The following NPAS3 variants were observed in gnomAD, a reference collection of about 807,000 sequenced individuals.
The protein encoded by NPAS3 is neuronal PAS domain protein 3, also known as neuronal PAS domain-containing protein 3.
A neutral mutation model predicts 73.1 loss-of-function variants in NPAS3; 14 were observed. The observed-to-expected ratio is 0.19, with a 90% confidence interval of 0.13 to 0.30. NPAS3 has a LOEUF of 0.30. Ranked by LOEUF, NPAS3 falls within the 10% of genes least tolerant of loss-of-function variation. The pLI is 1.00. For synonymous variants in NPAS3, 620 were observed against 541.5 expected (o/e 1.14, Z -2.01); for missense variants, 1,096 against 1,250.0 (o/e 0.88, Z 1.86).
At chr14:32,968,485 CTT>C (rs993801020) in intron 1 of NPAS3, among the ~76,000 whole-genome samples, 5 of 152,056 alleles carry the variant, frequency 3.3e-5, no homozygotes, top group African/African-American at 9.7e-5. Context: ...AGGTTGGTGT[CTT>C]ATGTCGAAAT....
chr14:33,207,942 A>C (rs889906522), intron 2 of NPAS3, among the ~76,000 whole-genome samples: 2 of 151,306 alleles, frequency 1.3e-5, no homozygotes, highest in African/African-American at 2.4e-5. Flanking sequence ...GATAATTTGC[A>C]GGAGTTTCAA....
chr14:33,784,729 A>ATTTTTTTTTTTTTTTTTTTT (rs1342325354), intron 9 of NPAS3, among the ~76,000 whole-genome samples: 2 of 90,206 alleles, frequency 2.2e-5, no homozygotes, highest in Non-Finnish European at 4.0e-5. Flanking sequence ...ATTTTTATTT[A>ATTTTTTTTTTTTTTTTTTTT]TTTATTTATT....
intron 2 of NPAS3, among the ~76,000 whole-genome samples, chr14:33,150,533 G>A: frequency 6.6e-6 from 1 of 152,162 alleles, no homozygotes; most frequent in East Asian, 1.9e-4. Flanking sequence ...GCTCCAAATA[G>A]TTTCCTTTGC....
chr14:33,146,493 TTTA>T (rs2044241609), intron 2 of NPAS3, among the ~76,000 whole-genome samples: 1 of 152,214 alleles, frequency 6.6e-6, no homozygotes, highest in African/African-American at 2.4e-5. Context: ...TCAGTATTCA[TTTA>T]TTGAGTCCTG....
At chr14:33,101,080 G>A (rs1454531687) in intron 2 of NPAS3, among the ~76,000 whole-genome samples, 1 of 151,932 alleles carries the variant, frequency 6.6e-6, no homozygotes, top group Non-Finnish European at 1.5e-5. Flanking sequence ...CTAGTTCTTT[G>A]TGAAATAGGT....
chr14:33,673,670 G>T (rs950644635), intron 5 of NPAS3, among the ~76,000 whole-genome samples: 3 of 152,190 alleles, frequency 2.0e-5, no homozygotes, highest in Admixed American at 6.5e-5. Flanking sequence ...CTTCTTCCCA[G>T]CTCTCCGGGC....
intron 1 of NPAS3, among the ~76,000 whole-genome samples, chr14:33,012,759 A>C (rs2039255596): frequency 6.6e-6 from 1 of 152,156 alleles, no homozygotes; most frequent in Non-Finnish European, 1.5e-5. Flanking sequence ...TGTGTTCCCC[A>C]GGCTGGTCTC....
intron 2 of NPAS3, among the ~76,000 whole-genome samples, chr14:33,096,646 A>T (rs1483732039): frequency 6.6e-6 from 1 of 152,170 alleles, no homozygotes; most frequent in East Asian, 1.9e-4. Flanking sequence ...TGTTTCTATG[A>T]TTAAATTATT....
At chr14:33,447,010 A>G (rs1026377482) in intron 4 of NPAS3, among the ~76,000 whole-genome samples, 1 of 152,356 alleles carries the variant, frequency 6.6e-6, no homozygotes, top group Admixed American at 6.5e-5. Context: ...ACGAGATGCT[A>G]TTCTGAATGG....
intron 2 of NPAS3, among the ~76,000 whole-genome samples, chr14:33,107,242 C>A (rs748726421): frequency 6.6e-6 from 1 of 151,696 alleles, no homozygotes; most frequent in East Asian, 1.9e-4. Flanking sequence ...AATATATTTT[C>A]TTTTTTCCCC....
chr14:33,691,879 T>C (rs1355969339), intron 6 of NPAS3, among the ~76,000 whole-genome samples: 1 of 152,202 alleles, frequency 6.6e-6, no homozygotes, highest in East Asian at 1.9e-4. Flanking sequence ...ACATTGAGAA[T>C]AAACTCAAAA....
chr14:33,374,281 T>C (rs1461821778), intron 4 of NPAS3, among the ~76,000 whole-genome samples: 2 of 152,158 alleles, frequency 1.3e-5, no homozygotes, highest in Non-Finnish European at 2.9e-5. Context: ...ACCTGTGTTT[T>C]ACAGAGGCTG....
intron 1 of NPAS3, among the ~76,000 whole-genome samples, chr14:32,989,293 T>A (rs1376786264): frequency 6.6e-6 from 1 of 152,210 alleles, no homozygotes; most frequent in African/African-American, 2.4e-5. Flanking sequence ...CTGTTGTGAC[T>A]GGACAGAGGT....
chr14:33,038,290 C>T (rs2040236358), intron 1 of NPAS3, among the ~76,000 whole-genome samples: 1 of 151,982 alleles, frequency 6.6e-6, no homozygotes, highest in Non-Finnish European at 1.5e-5. Context: ...GAGAGGTATA[C>T]AGGAAGAAGG....
chr14:33,303,899 C>CTTTGTT (rs200495898), intron 3 of NPAS3, among the ~76,000 whole-genome samples: 8,189 of 151,942 alleles, frequency 0.054, 650 homozygotes, highest in African/African-American at 0.18. Flanking sequence ...CACTACCAAG[C>CTTTGTT]TTTGTTTTTG....
chr14:33,442,316 A>T (rs185347345), intron 4 of NPAS3, among the ~76,000 whole-genome samples: 32 of 152,278 alleles, frequency 2.1e-4, no homozygotes, highest in African/African-American at 6.0e-4. Flanking sequence ...GCCTGCCTGC[A>T]GCCTCACCTA....
intron 2 of NPAS3, among the ~76,000 whole-genome samples, chr14:33,098,553 G>A (rs1346571482): frequency 6.6e-6 from 1 of 152,064 alleles, no homozygotes; most frequent in Non-Finnish European, 1.5e-5. Flanking sequence ...TGGTAAAGTG[G>A]GAAAACATGG....
At chr14:33,682,936 G>A (rs547701985) in intron 6 of NPAS3, among the ~76,000 whole-genome samples, 7 of 152,252 alleles carry the variant, frequency 4.6e-5, no homozygotes, top group African/African-American at 1.7e-4. Context: ...AATCCTTTGG[G>A]ACCTAATTCC....
Position 33,061,276 on chromosome 14 carries a change from T to C in NPAS3, c.140+5282T>C, listed in dbSNP as rs73266788. Among the ~76,000 whole-genome samples the C allele has an allele frequency of 3.3e-3, 498 of 152,320 alleles. 2 individuals carry two copies. Among genetic ancestry groups the C allele is most frequent in the African/African-American group, 0.011 (474 of 41,580 alleles). ...TAACCTGATTGACTGATTGCTATTA[T>C]ACAGTCATCTTCCCCTCACCTGCAC... is the stretch of plus-strand genomic sequence containing the variant. On this transcript the variant is annotated intron_variant, in intron 2 of 11. Coordinates refer to ENST00000356141, the Ensembl canonical transcript of NPAS3.
Sources: allele counts gnomAD v4.1 joint callset (sites outside exome capture counted in the v4.1 genomes callset), GRCh38; gene constraint gnomAD v4.1.1; transcripts MANE v1.5; gene names NCBI Gene and HGNC (gene_info 2026-07-23, HGNC 2026-07-21).